The following PAPSS2 variants were observed in gnomAD, a reference collection of about 807,000 sequenced individuals.
The protein encoded by PAPSS2 is bifunctional 3'-phosphoadenosine 5'-phosphosulfate synthase 2.
In PAPSS2, 61 loss-of-function variants were observed where a neutral mutation model predicts 66.5. The ratio of observed to expected loss-of-function variants is 0.92; its 90% CI spans 0.75 to 1.14. The LOEUF (loss-of-function observed/expected upper bound fraction) is 1.14. Ranked by LOEUF, PAPSS2 falls within the 50% of genes most tolerant of loss-of-function variation. The pLI, the probability that PAPSS2 is intolerant of heterozygous loss-of-function variation, is 0.00. For missense variants in PAPSS2, 708 were observed against 789.6 expected (o/e 0.90, Z 1.24); for synonymous variants, 289 against 287.5 (o/e 1.01, Z -0.05).
rs1236104545 is a variant in PAPSS2, at chr10:87,715,804, G to A, written c.826G>A (p.Glu276Lys). 2 of 1,612,996 alleles carry A rather than the reference G, an allele frequency of 1.2e-6. No homozygotes were observed. Among genetic ancestry groups the A allele is most frequent in the Non-Finnish European group, 1.7e-6 (2 of 1,179,010 alleles). The stretch of plus-strand genomic sequence containing the variant: ...CCTCAAAGGTTTCATGCGGGAGAAG[G>A]AGTACTTACAGGTTATGCACTTTGA... ...TPLKGFMREKEYLQVMHFDTL... is the reference protein window; with the variant it reads ...TPLKGFMREKKYLQVMHFDTL... The change falls in exon 7 of 13, where the codon GAG (glutamate) becomes AAG (lysine). Residue 276 changes from glutamate (E) to lysine (K), a missense_variant. Coordinates refer to ENST00000456849, the MANE Select transcript of PAPSS2 (RefSeq NM_001015880.2).
In PAPSS2 at chr10:87,709,289, C is replaced by T. The variant is rs201203612; in HGVS notation, c.121C>T (p.Arg41Ter). Residue 41 changes from arginine (R) to a stop codon, truncating the protein, a stop_gained, in exon 2 of 13, where the codon CGA becomes TGA. Coordinates refer to ENST00000456849, the MANE Select transcript of PAPSS2 (RefSeq NM_001015880.2). LOFTEE classifies it high-confidence loss of function. Reference protein sequence around the residue: ...GQVVGTRGGFRGCTVWLTGLS... With the variant: ...GQVVGTRGGF ...AGTGGTTGGAACAAGGGGTGGGTTC[C>T]GAGGATGTACCGTGTGGCTAACAGG... 72 of 1,608,550 alleles carry T rather than the reference C, an allele frequency of 4.5e-5. No individual in the cohort carries two copies. The highest frequency in any genetic ancestry group is 6.0e-5 in the Non-Finnish European group (70 of 1,176,006).
At chr10:87,724,610 A>G (rs1424254119) in intron 8 of PAPSS2, among the ~76,000 whole-genome samples, 1 of 148,284 alleles carries the variant, frequency 6.7e-6, no homozygotes, top group Non-Finnish European at 1.5e-5. Context: ...ATATATATGC[A>G]TGTACATATA....
intron 1 of PAPSS2, among the ~76,000 whole-genome samples, chr10:87,695,257 C>A (rs1041688198): frequency 1.3e-5 from 2 of 152,184 alleles, no homozygotes; most frequent in Non-Finnish European, 2.9e-5. Flanking sequence ...GGAGGAAAAA[C>A]GGCCAGGTGG....
chr10:87,696,577 C>T (rs1853237461), intron 1 of PAPSS2, among the ~76,000 whole-genome samples: 1 of 152,178 alleles, frequency 6.6e-6, no homozygotes, highest in Admixed American at 6.5e-5. Context: ...AGCTGCTCTA[C>T]CAGTGTCTTG....
At position 87,721,766 on chromosome 10, in the gene PAPSS2, TC is replaced by T. The variant is rs1218237340; in HGVS notation, c.878del (p.Pro293LeufsTer4). 6.6e-7 allele frequency: 1 copy of T among 1,522,128 alleles called. No individual in the cohort carries two copies. Among genetic ancestry groups the T allele is most frequent in the Non-Finnish European group, 8.9e-7 (1 of 1,121,862 alleles). 94.3% of individuals were successfully genotyped at this position (1,522,128 alleles called of 1,614,324 possible). On this transcript the variant is annotated frameshift_variant, in exon 8 of 13. Transcript: ENST00000456849. LOFTEE classifies it high-confidence loss of function. Reference sequence around the variant, plus strand: ...TTTATATTTCCCTAGGCATGGCCCTTCCTGGTATGTACTTTAACTTTCCAAG... The same window carrying T: ...TTTATATTTCCCTAGGCATGGCCCTTCTGGTATGTACTTTAACTTTCCAAG... The part of the protein sequence containing the change: ...FDTLLDGMAL[P>X]DGVINMSIPI...
chr10:87,733,915 G>T (rs952316410), intron 9 of PAPSS2, among the ~76,000 whole-genome samples: 3 of 151,432 alleles, frequency 2.0e-5, no homozygotes, highest in African/African-American at 7.3e-5. Context: ...CCAAAACCTG[G>T]ATGCCATTCT....
intron 1 of PAPSS2, among the ~76,000 whole-genome samples, chr10:87,693,345 T>C (rs1294965315): frequency 1.3e-5 from 2 of 152,230 alleles, no homozygotes; most frequent in African/African-American, 4.8e-5. Flanking sequence ...GCATGGTGTT[T>C]AGACAGAGTA....
In PAPSS2 at chr10:87,705,150, G is replaced by C. The variant is rs371901138; in HGVS notation, c.28-4046G>C. ...AGTGCATTAGTTTTCTGTATTTTGG[G>C]ACTTCATACAAATAGAATCATATAT... On this transcript the variant is annotated intron_variant, in intron 1 of 12. Transcript: ENST00000456849. Among the ~76,000 whole-genome samples the C allele has an allele frequency of 4.6e-5, 7 of 152,296 alleles. No homozygotes were observed. In the East Asian group the frequency reaches 1.2e-3, roughly 25 times the overall value.
chr10:87,682,037 A>G (rs1853027716), intron 1 of PAPSS2, among the ~76,000 whole-genome samples: 1 of 152,244 alleles, frequency 6.6e-6, no homozygotes, highest in Admixed American at 6.5e-5. Flanking sequence ...GGTTAGCACA[A>G]GTAGGCTTTT....
intron 8 of PAPSS2, among the ~76,000 whole-genome samples, chr10:87,722,325 G>A (rs1325245551): frequency 1.3e-5 from 2 of 152,140 alleles, no homozygotes; most frequent in African/African-American, 2.4e-5. Context: ...GTAAACTTCT[G>A]CATTGTACAA....
rs546504243 is a variant in PAPSS2 at position 87,741,006 on chromosome 10, A to C, written c.1087-229A>C. 1.3e-4 allele frequency among the ~76,000 whole-genome samples: 20 copies of C among 152,316 alleles called. No individual in the cohort carries two copies. The East Asian group carries it at 3.7e-3, about 28-fold the overall frequency. On this transcript the variant is annotated intron_variant, in intron 9 of 12. Transcript: ENST00000456849. The stretch of plus-strand genomic sequence containing the variant: ...AATTTCTAATATGAAAAGTAATGAT[A>C]GCTATAACCCACAAAAATGAAAGCT...
intron 8 of PAPSS2, among the ~76,000 whole-genome samples, chr10:87,726,284 G>T (rs1235527078): frequency 6.6e-6 from 1 of 152,134 alleles, no homozygotes; most frequent in Non-Finnish European, 1.5e-5. Flanking sequence ...ACAAAAATTA[G>T]CTGGGAGTGG....
chr10:87,713,457 A>G, intron 3 of PAPSS2, 147 bp downstream of exon 3: 1 of 645,778 alleles, frequency 1.5e-6, no homozygotes, highest in Non-Finnish European at 2.7e-6. Flanking sequence ...CCCCAATAAC[A>G]GGCTCTCTCA....
chr10:87,690,236 G>C (rs11202511), intron 1 of PAPSS2, among the ~76,000 whole-genome samples: 4,322 of 152,222 alleles, frequency 0.028, 198 homozygotes, highest in African/African-American at 0.099. Context: ...TCATACACCG[G>C]AACATTATGC....
chr10:87,745,905 G>C lies in PAPSS2; in HGVS notation c.1795G>C (p.Gly599Arg). Residue 599 changes from glycine to arginine, a missense_variant, in exon 13 of 13, where the codon GGC becomes CGC. By Grantham distance (125) the Gly-to-Arg change is moderately radical (BLOSUM62 -2). Coordinates refer to ENST00000456849, the MANE Select transcript of PAPSS2 (RefSeq NM_001015880.2). ...CCGGGAAGGAGAGAATCCCCCAGAT[G>C]GCTTCATGGCCCCCAAAGCATGGAA... ...LAREGENPPD[G>R]FMAPKAWKVL... 1.2e-6 allele frequency: 2 copies of C among 1,614,016 alleles called. No homozygotes were observed. The highest frequency in any genetic ancestry group is 1.7e-6 in the Non-Finnish European group (2 of 1,179,928).
At chr10:87,725,884 TACACACAC>T (rs60791274) in intron 8 of PAPSS2, among the ~76,000 whole-genome samples, 8 of 140,352 alleles carry the variant, frequency 5.7e-5, no homozygotes, top group South Asian at 2.3e-4. Flanking sequence ...TATGTGTGTA[TACACACAC>T]ACACACACAC....
chr10:87,714,302 C>T, intron 4 of PAPSS2, 120 bp downstream of exon 4: 4 of 1,029,028 alleles, frequency 3.9e-6, no homozygotes, highest in Non-Finnish European at 6.0e-6. Flanking sequence ...ATATAACATG[C>T]ACAACTTTTT....
intron 1 of PAPSS2, among the ~76,000 whole-genome samples, chr10:87,701,378 T>TTC (rs1589429898): frequency 4.8e-5 from 5 of 104,880 alleles, no homozygotes; most frequent in Middle Eastern, 4.8e-3. Flanking sequence ...CTTTCTTTCT[T>TTC]TCTTTCTTTC....
At chr10:87,677,550 A>G (rs1852964383) in intron 1 of PAPSS2, among the ~76,000 whole-genome samples, 1 of 152,224 alleles carries the variant, frequency 6.6e-6, no homozygotes. Context: ...AGTGGACATG[A>G]AAGAGGAGTC....
Sources: allele counts gnomAD v4.1 joint callset (sites outside exome capture counted in the v4.1 genomes callset), GRCh38; gene constraint gnomAD v4.1.1; transcripts MANE v1.5; gene names NCBI Gene and HGNC (gene_info 2026-07-23, HGNC 2026-07-21).